PPAT: variants seen among roughly 807,000 people sequenced by gnomAD.
The protein encoded by PPAT is amidophosphoribosyltransferase.
Under a neutral mutation model 60.2 loss-of-function variants are expected in PPAT, and 20 were observed. The ratio of observed to expected loss-of-function variants is 0.33; its 90% CI spans 0.23 to 0.48. The LOEUF (loss-of-function observed/expected upper bound fraction) is 0.48, where lower values mean the gene tolerates loss of function less well. Ranked by LOEUF, PPAT falls within the 20% of genes least tolerant of loss-of-function variation. The pLI, the probability that PPAT is intolerant of heterozygous loss-of-function variation, is 0.99. For synonymous variants in PPAT, 194 were observed against 215.1 expected (o/e 0.90, Z 0.86); for missense variants, 349 against 629.6 (o/e 0.55, Z 4.77).
chr4:56,429,395 A>G (rs773642670), intron 1 of PPAT, among the ~76,000 whole-genome samples: 14 of 152,234 alleles, frequency 9.2e-5, no homozygotes, highest in Non-Finnish European at 1.8e-4. Flanking sequence ...TCAATAATCA[A>G]TATAACATTT....
intron 1 of PPAT, among the ~76,000 whole-genome samples, chr4:56,416,936 G>A (rs1473560096): frequency 6.6e-6 from 1 of 152,136 alleles, no homozygotes; most frequent in African/African-American, 2.4e-5. Context: ...TGTAACCTCT[G>A]CCTCCGGGGT....
intron 1 of PPAT, among the ~76,000 whole-genome samples, chr4:56,429,645 T>TA (rs1367612247): frequency 3.9e-5 from 6 of 152,196 alleles, no homozygotes; most frequent in Admixed American, 2.6e-4. Context: ...TTTAATGCCT[T>TA]ATAGATTTAT....
intron 1 of PPAT, among the ~76,000 whole-genome samples, chr4:56,429,624 A>C (rs527833568): frequency 1.3e-5 from 2 of 152,326 alleles, no homozygotes; most frequent in African/African-American, 4.8e-5. Context: ...GGATCTCTAA[A>C]ATAATCCAGC....
At chr4:56,407,451 T>C (rs1001518414) in intron 2 of PPAT, among the ~76,000 whole-genome samples, 199 bp downstream of exon 2, 37 of 152,120 alleles carry the variant, frequency 2.4e-4, no homozygotes, top group Admixed American at 2.0e-3. Flanking sequence ...CCCAAGTAGC[T>C]GGGATTACAG....
At chr4:56,410,341 T>C (rs62309288) in intron 1 of PPAT, among the ~76,000 whole-genome samples, 1 of 152,350 alleles carries the variant, frequency 6.6e-6, no homozygotes, top group African/African-American at 2.4e-5. Flanking sequence ...TCCAGGCTTC[T>C]TTAATCACAA....
At chr4:56,416,390 T>C (rs1716751357) in intron 1 of PPAT, 1 of 908,466 alleles carries the variant, frequency 1.1e-6, no homozygotes. Flanking sequence ...GGAAGATGTC[T>C]CAGGAAATCC....
At chr4:56,410,982 C>CATAAA in intron 1 of PPAT, 1 of 905,712 alleles carries the variant, frequency 1.1e-6, no homozygotes, top group Non-Finnish European at 1.3e-6. Flanking sequence ...TGTAAAAGTT[C>CATAAA]AGGACTTCTG....
chr4:56,413,286 T>G (rs1716560139), intron 1 of PPAT, among the ~76,000 whole-genome samples: 1 of 152,114 alleles, frequency 6.6e-6, no homozygotes, highest in Admixed American at 6.5e-5. Flanking sequence ...CCTCCTGAGC[T>G]GGGATTAGAG....
intron 1 of PPAT, chr4:56,423,222 C>G (rs1415612483): frequency 6.6e-6 from 1 of 152,192 alleles, no homozygotes; most frequent in Non-Finnish European, 1.5e-5. Context: ...ACTAGTTAAT[C>G]AAATTTCCTA....
chr4:56,407,760 T>C, intron 1 of PPAT, 44 bp from the exon 2 acceptor site: 1 of 1,448,514 alleles, frequency 6.9e-7, no homozygotes, highest in Non-Finnish European at 9.7e-7. Flanking sequence ...TGCCAATTGA[T>C]TAGCTTCTTG....
chr4:56,433,165 G>A (rs1465307009), intron 1 of PPAT, among the ~76,000 whole-genome samples: 2 of 151,912 alleles, frequency 1.3e-5, no homozygotes, highest in Non-Finnish European at 2.9e-5. Flanking sequence ...TTTAGCTCAT[G>A]TAAAATTTTG....
intron 1 of PPAT, among the ~76,000 whole-genome samples, chr4:56,423,950 T>G (rs956826805): frequency 1.3e-5 from 2 of 152,216 alleles, no homozygotes; most frequent in Admixed American, 6.5e-5. Context: ...TATTGAGGTA[T>G]AAAAATATGA....
At chr4:56,403,000 A>G in intron 5 of PPAT, 40 bp downstream of exon 5, 1 of 1,536,718 alleles carries the variant, frequency 6.5e-7, no homozygotes, top group Non-Finnish European at 8.8e-7. Flanking sequence ...ACAATAATGG[A>G]AAAACACTAT....
chr4:56,397,769 T>C (rs1264806697), intron 9 of PPAT, among the ~76,000 whole-genome samples: 3 of 152,056 alleles, frequency 2.0e-5, no homozygotes, highest in African/African-American at 7.2e-5. Flanking sequence ...AGGCCGGGTA[T>C]GGTGGCTCAC....
chr4:56,428,046 TCTCA>T (rs1717385710), intron 1 of PPAT, among the ~76,000 whole-genome samples: 1 of 152,198 alleles, frequency 6.6e-6, no homozygotes, highest in African/African-American at 2.4e-5. Context: ...AGCTAAATTT[TCTCA>T]CTAATAATGA....
chr4:56,398,033 C>A (rs1716021698), intron 9 of PPAT, among the ~76,000 whole-genome samples: 1 of 146,752 alleles, frequency 6.8e-6, no homozygotes, highest in Non-Finnish European at 1.5e-5. Flanking sequence ...ACAGTGAGTC[C>A]CAGTATCAAG....
chr4:56,419,717 A>G (rs1716945527), intron 1 of PPAT: 1 of 981,236 alleles, frequency 1.0e-6, no homozygotes, highest in Non-Finnish European at 1.2e-6. Context: ...TCAGGGCTCT[A>G]ATAGACATCT....
chr4:56,420,819 C>T (rs1228754883), intron 1 of PPAT: 1 of 152,066 alleles, frequency 6.6e-6, no homozygotes, highest in African/African-American at 2.4e-5. Context: ...TATATTTAAA[C>T]CAAAGGATTG....
At chr4:56,432,698 T>C (rs1255464380) in intron 1 of PPAT, among the ~76,000 whole-genome samples, 1 of 148,274 alleles carries the variant, frequency 6.7e-6, no homozygotes, top group Non-Finnish European at 1.5e-5. Context: ...GGCAGGAGAA[T>C]GGCGTGAACC....
Sources: allele counts gnomAD v4.1 joint callset (sites outside exome capture counted in the v4.1 genomes callset), GRCh38; gene constraint gnomAD v4.1.1; transcripts MANE v1.5; gene names NCBI Gene and HGNC (gene_info 2026-07-23, HGNC 2026-07-21).